Variants in ZFAND3 observed in about 807,000 individuals in gnomAD.
ZFAND3 encodes AN1-type zinc finger protein 3.
A neutral mutation model predicts 29.6 loss-of-function variants in ZFAND3; 10 were observed. That is an observed-to-expected ratio of 0.34 (90% CI 0.21 to 0.57). The LOEUF (loss-of-function observed/expected upper bound fraction) is 0.57. ZFAND3 is among the 20% of genes least tolerant of loss of function. ZFAND3 has a pLI of 0.86. For missense variants in ZFAND3, 230 were observed against 304.5 expected, an observed-to-expected ratio of 0.76 and a Z score of 1.82; for synonymous variants, 128 against 112.6, an observed-to-expected ratio of 1.14 and a Z score of -0.87.
At chr6:37,952,847 C>A (rs1762021520) in intron 2 of ZFAND3, among the ~76,000 whole-genome samples, 1 of 151,636 alleles carries the variant, frequency 6.6e-6, no homozygotes, top group Admixed American at 6.6e-5. Context: ...TCCCTCTTTC[C>A]ACTCTCGGTG....
chr6:38,059,447 C>G (rs968661679), intron 2 of ZFAND3, among the ~76,000 whole-genome samples: 3 of 152,118 alleles, frequency 2.0e-5, no homozygotes, highest in African/African-American at 7.2e-5. Context: ...CACTGTAGAG[C>G]ATTTTAAGAT....
At chr6:37,978,259 G>A (rs1762523181) in intron 2 of ZFAND3, among the ~76,000 whole-genome samples, 1 of 152,108 alleles carries the variant, frequency 6.6e-6, no homozygotes, top group African/African-American at 2.4e-5. Context: ...TACACTGGTT[G>A]GGTTTCAAAT....
At chr6:37,997,750 A>G (rs1172106765) in intron 2 of ZFAND3, among the ~76,000 whole-genome samples, 1 of 152,242 alleles carries the variant, frequency 6.6e-6, no homozygotes, top group Non-Finnish European at 1.5e-5. Flanking sequence ...CCTGACACAT[A>G]GTAGGCCCTT....
intron 2 of ZFAND3, among the ~76,000 whole-genome samples, chr6:38,052,531 G>A (rs1764046509): frequency 6.6e-6 from 1 of 152,088 alleles, no homozygotes; most frequent in African/African-American, 2.4e-5. Context: ...TTTATATTAT[G>A]TATTATGTGG....
chr6:37,974,404 T>TC (rs1762445129), intron 2 of ZFAND3, among the ~76,000 whole-genome samples: 7 of 38,266 alleles, frequency 1.8e-4, no homozygotes, highest in Non-Finnish European at 2.4e-4. Flanking sequence ...CTCTCTCTCT[T>TC]TTTTTTTTTT....
In ZFAND3 at chr6:37,839,608, G is replaced by T. The variant is rs376783348; in HGVS notation, c.71+19592G>T. Reference sequence around the variant, plus strand: ...CAGCTCTCTGCAAGCTCTGCCTCCCGGGTTCAAGTGATTCTCCTGCCTCAG... The same window carrying T: ...CAGCTCTCTGCAAGCTCTGCCTCCCTGGTTCAAGTGATTCTCCTGCCTCAG... On this transcript the variant is annotated intron_variant, in intron 1 of 5. Coordinates refer to ENST00000287218, the MANE Select transcript of ZFAND3 (RefSeq NM_021943.3). Among the ~76,000 whole-genome samples the T allele has an allele frequency of 7.0e-4, 104 of 149,090 alleles. 2 individuals carry two copies. The South Asian group carries it at 0.022, about 32-fold the overall frequency.
chr6:37,939,721 G>C (rs887056600), intron 2 of ZFAND3, among the ~76,000 whole-genome samples: 1 of 152,102 alleles, frequency 6.6e-6, no homozygotes, highest in Non-Finnish European at 1.5e-5. Flanking sequence ...CATGTAATTA[G>C]ACGACCCTCT....
At chr6:38,022,630 T>C (rs1763372840) in intron 2 of ZFAND3, among the ~76,000 whole-genome samples, 1 of 152,218 alleles carries the variant, frequency 6.6e-6, no homozygotes, top group Non-Finnish European at 1.5e-5. Flanking sequence ...CCAAATAATT[T>C]TAATGTGACT....
At chr6:37,822,330 G>A (rs139382851) in intron 1 of ZFAND3, among the ~76,000 whole-genome samples, 1 of 152,130 alleles carries the variant, frequency 6.6e-6, no homozygotes, top group Non-Finnish European at 1.5e-5. Flanking sequence ...TATTTTTATC[G>A]TGAAAAGTGT....
At chr6:38,106,605 A>G (rs1014545260) in intron 4 of ZFAND3, among the ~76,000 whole-genome samples, 4 of 152,222 alleles carry the variant, frequency 2.6e-5, no homozygotes, top group African/African-American at 9.6e-5. Context: ...TAAGCACCCC[A>G]TCCCCCAGAG....
Position 37,860,637 on chromosome 6 carries a change from GTTTT to G in ZFAND3, c.71+40638_71+40641del, listed in dbSNP as rs58902274. Among the ~76,000 whole-genome samples the G allele has an allele frequency of 2.1e-3, 209 of 97,218 alleles. 1 individual carries two copies. Among genetic ancestry groups the G allele is most frequent in the African/African-American group, 7.4e-3 (173 of 23,374 alleles). 63.8% of individuals were successfully genotyped at this position (97,218 alleles called of 152,430 possible). ...TTAGTGCCAAGGGGATATTCACTTA[GTTTT>G]TTTTTTTTTTTTTTTTAAGTAGGTT... is the stretch of plus-strand genomic sequence containing the variant. On this transcript the variant is annotated intron_variant, in intron 1 of 5. Transcript: ENST00000287218.
At position 38,097,277 on chromosome 6, in the gene ZFAND3, G is replaced by A. The variant is rs893537754; in HGVS notation, c.361+14820G>A. Among the ~76,000 whole-genome samples, 12 of 146,938 alleles carry A rather than the reference G, an allele frequency of 8.2e-5. No individual in the cohort carries two copies. In the East Asian group the frequency reaches 1.0e-3, roughly 12 times the overall value. The stretch of plus-strand genomic sequence containing the variant: ...TTTTTTTTTTTTTTTTTTAAGAGAC[G>A]GAGTCTCGCTTGTTGTCCAGGTTGG... On this transcript the variant is annotated intron_variant, in intron 4 of 5. Transcript: ENST00000287218.
chr6:38,074,988 C>G (rs1227914988), intron 3 of ZFAND3, among the ~76,000 whole-genome samples: 1 of 152,122 alleles, frequency 6.6e-6, no homozygotes, highest in East Asian at 1.9e-4. Flanking sequence ...CTGTATAGAC[C>G]TACTGCTGAG....
At chr6:37,984,747 T>C (rs1581813855) in intron 2 of ZFAND3, among the ~76,000 whole-genome samples, 2 of 152,332 alleles carry the variant, frequency 1.3e-5, no homozygotes, top group Admixed American at 1.3e-4. Flanking sequence ...GCTACTCGTC[T>C]AGAGGCTAAG....
chr6:37,861,462 A>C (rs1764489427), intron 1 of ZFAND3, among the ~76,000 whole-genome samples: 1 of 152,080 alleles, frequency 6.6e-6, no homozygotes, highest in African/African-American at 2.4e-5. Context: ...AAAAAAGACG[A>C]GTAGGAAATT....
intron 1 of ZFAND3, among the ~76,000 whole-genome samples, chr6:37,901,874 C>T (rs1765325105): frequency 1.3e-5 from 2 of 152,164 alleles, no homozygotes; most frequent in South Asian, 4.1e-4. Flanking sequence ...CTGGAGAGAC[C>T]TTCTTGCTGA....
chr6:38,116,594 T>A lies in ZFAND3; in HGVS notation c.384T>A (p.Ala128=). The A allele has an allele frequency of 6.2e-7, 1 of 1,613,286 alleles. No individual in the cohort carries two copies. The highest frequency in any genetic ancestry group is 8.5e-7 in the Non-Finnish European group (1 of 1,179,310). ...CGTDSQSENE[A]SPVKRPRLLE... The stretch of plus-strand genomic sequence containing the variant: ...CAGATTCACAGTCTGAGAATGAGGC[T>A]TCACCAGTAAAACGGCCACGACTAC... The change falls in exon 5 of 6, where the codon GCT becomes GCA. Residue 128 remains alanine, a synonymous_variant. Transcript: ENST00000287218.
At chr6:37,920,052 C>CTTTTTTTTTTTTTTTTTTTT (rs11389241) in intron 1 of ZFAND3, among the ~76,000 whole-genome samples, 2 of 93,410 alleles carry the variant, frequency 2.1e-5, no homozygotes, top group African/African-American at 3.9e-5. Context: ...TTTTTTGAAG[C>CTTTTTTTTTTTTTTTTTTTT]TTTTTTTTTT....
At chr6:37,839,791 G>C (rs973878734) in intron 1 of ZFAND3, among the ~76,000 whole-genome samples, 53 of 151,912 alleles carry the variant, frequency 3.5e-4, no homozygotes, top group African/African-American at 1.2e-3. Flanking sequence ...GGGATTACAG[G>C]CTTGAGCCAC....
Sources: gnomAD v4.1 joint callset for allele counts (sites outside exome capture counted in the v4.1 genomes callset) on GRCh38, gnomAD v4.1.1 for gene constraint, MANE v1.5 for transcripts, NCBI Gene and HGNC (gene_info 2026-07-23, HGNC 2026-07-21) for gene names.